Variants in ADGRV1 observed in about 807,000 individuals in gnomAD.
ADGRV1 encodes the protein G-protein coupled receptor 98.
A neutral mutation model predicts 596.2 loss-of-function variants in ADGRV1; 359 were observed. That is an observed-to-expected ratio of 0.60 (90% CI 0.55 to 0.66). The LOEUF is 0.66. Ranked by LOEUF, ADGRV1 falls within the 30% of genes least tolerant of loss-of-function variation. ADGRV1 has a pLI of 0.00. For missense variants in ADGRV1, 7,274 were observed against 7,575.6 expected, an observed-to-expected ratio of 0.96 and a Z score of 1.48; for synonymous variants, 2,681 against 2,679.2, an observed-to-expected ratio of 1.00 and a Z score of -0.02.
Position 91,056,071 on chromosome 5 carries a change from G to A in ADGRV1, c.18153-16376G>A, listed in dbSNP as rs530203349. ...AAGAAATGGTAGTCGGTTGGCGAGAGGTTAGGCGAATATGGCAGATGAGGC... is the reference window on the plus strand; with the variant it reads ...AAGAAATGGTAGTCGGTTGGCGAGAAGTTAGGCGAATATGGCAGATGAGGC... On this transcript the variant is annotated intron_variant, in intron 85 of 89. Coordinates refer to ENST00000405460, the MANE Select transcript of ADGRV1 (RefSeq NM_032119.4). Among the ~76,000 whole-genome samples the A allele has an allele frequency of 3.3e-5, 5 of 152,270 alleles. No homozygotes were observed. In the East Asian group the frequency reaches 9.6e-4, roughly 29 times the overall value.
At chr5:90,584,309 G>A (rs376269860) in intron 1 of ADGRV1, among the ~76,000 whole-genome samples, 1 of 152,028 alleles carries the variant, frequency 6.6e-6, no homozygotes, top group East Asian at 1.9e-4. Flanking sequence ...CTAGAATCCC[G>A]AAGAATGTTT....
intron 1 of ADGRV1, among the ~76,000 whole-genome samples, chr5:90,584,843 A>T (rs1019472109): frequency 1.3e-5 from 2 of 152,204 alleles, no homozygotes; most frequent in African/African-American, 4.8e-5. Context: ...CATAGAACCC[A>T]CGTTTAAGAA....
chr5:90,923,795 C>A (rs548815823), intron 83 of ADGRV1, among the ~76,000 whole-genome samples: 115 of 151,294 alleles, frequency 7.6e-4, no homozygotes, highest in Non-Finnish European at 1.2e-3. Context: ...CCCACCCCAC[C>A]ACAGTCCCCA....
chr5:90,959,842 TTAGAAA>T (rs1254551429), intron 83 of ADGRV1, among the ~76,000 whole-genome samples: 3 of 152,106 alleles, frequency 2.0e-5, no homozygotes, highest in African/African-American at 7.2e-5. Context: ...AACTAATGTA[TTAGAAA>T]TAGATCAGTG....
Position 90,756,565 on chromosome 5 carries a change from A to G in ADGRV1, c.11692A>G (p.Ile3898Val). 1 of 1,613,790 alleles carries G rather than the reference A, an allele frequency of 6.2e-7. No homozygotes were observed. The highest frequency in any genetic ancestry group is 2.2e-5 in the East Asian group (1 of 44,864). Residue 3898 changes from isoleucine (I) to valine (V), a missense_variant, in exon 56 of 90, where the codon ATA becomes GTA. Ile to Val is a conservative substitution (Grantham distance 29, BLOSUM62 3). This residue lies in a region of ADGRV1 where 3,643 missense variants were observed against 3,809.2 expected (regional missense o/e 0.96). Transcript: ENST00000405460. ...AAGTGTGCGGAGGCCCGGAATGGAA[A>G]TAGCTGAGATAATGATAGAAGAAAA... ...QPSVRRPGME[I>V]AEIMIEENDD... is the part of the protein sequence containing the mutation.
intron 1 of ADGRV1, among the ~76,000 whole-genome samples, chr5:90,596,886 T>G (rs1204489984): frequency 6.6e-6 from 1 of 152,112 alleles, no homozygotes; most frequent in Non-Finnish European, 1.5e-5. Context: ...GGCAGTTCTT[T>G]ATAGCAATAT....
chr5:90,875,645 C>T (rs776426265), intron 83 of ADGRV1, among the ~76,000 whole-genome samples: 1 of 152,182 alleles, frequency 6.6e-6, no homozygotes, highest in Non-Finnish European at 1.5e-5. Flanking sequence ...GGTAGGTGCT[C>T]TGCAAATAAG....
At chr5:90,876,403 T>TAAGATTAGGAATTG (rs1554142606) in intron 83 of ADGRV1, among the ~76,000 whole-genome samples, 2 of 152,170 alleles carry the variant, frequency 1.3e-5, no homozygotes, top group Non-Finnish European at 2.9e-5. Flanking sequence ...TATAAAAATA[T>TAAGATTAGGAATTG]CCATGTAGGC....
In ADGRV1 at chr5:90,573,060, A is replaced by C. The variant is rs1187038866; in HGVS notation, c.22+14143A>C. Among the ~76,000 whole-genome samples the C allele has an allele frequency of 3.3e-5, 5 of 152,180 alleles. No individual in the cohort carries two copies. The East Asian group carries it at 9.6e-4, about 29-fold the overall frequency. Reference sequence around the variant, plus strand: ...CTCTCCGTGTATAGATCTACTAATTAAGTAAGAAATTTAAGGCCACCAGAT... The same window carrying C: ...CTCTCCGTGTATAGATCTACTAATTCAGTAAGAAATTTAAGGCCACCAGAT... On this transcript the variant is annotated intron_variant, in intron 1 of 89. Transcript: ENST00000405460.
chr5:91,038,791 G>A (rs1785107887), intron 85 of ADGRV1, among the ~76,000 whole-genome samples: 1 of 152,144 alleles, frequency 6.6e-6, no homozygotes, highest in Admixed American at 6.5e-5. Flanking sequence ...GTAGGGAATT[G>A]AGATGTCACA....
chr5:90,754,907 T>G, intron 54 of ADGRV1, 76 bp from the exon 55 acceptor site: 1 of 975,382 alleles, frequency 1.0e-6, no homozygotes, highest in East Asian at 2.4e-5. Flanking sequence ...GAGTAGAGTG[T>G]TCCACTCTAG....
intron 87 of ADGRV1, among the ~76,000 whole-genome samples, chr5:91,138,276 A>G (rs904675221): frequency 1.3e-5 from 2 of 152,150 alleles, no homozygotes; most frequent in African/African-American, 2.4e-5. Context: ...TAATTTTACA[A>G]AAGTTTATAT....
intron 1 of ADGRV1, among the ~76,000 whole-genome samples, chr5:90,602,463 G>C (rs1761532860): frequency 6.6e-6 from 1 of 152,150 alleles, no homozygotes; most frequent in Non-Finnish European, 1.5e-5. Context: ...TGTACCTTTT[G>C]TATAAGTGAT....
At chr5:90,829,227 C>A in intron 77 of ADGRV1, 41 bp downstream of exon 77, 4 of 1,360,754 alleles carry the variant, frequency 2.9e-6, no homozygotes, top group Middle Eastern at 2.0e-4. Context: ...TTATGGTTTT[C>A]TTCTTTAACT....
At position 90,693,948 on chromosome 5, in the gene ADGRV1, G is replaced by T. The variant is rs760632488; in HGVS notation, c.7192G>T (p.Ala2398Ser). ...CAGTACTTCCGACATTGATGTAGTG[G>T]CTCTGGCAATGGAGGAAGGTCAAGA... Reference protein sequence around the residue: ...FYSTSDIDVVALAMEEGQDLL... With the variant: ...FYSTSDIDVVSLAMEEGQDLL... Residue 2398 changes from alanine to serine, a missense_variant, in exon 33 of 90, where the codon GCT becomes TCT. This residue lies in a region of ADGRV1 where 3,643 missense variants were observed against 3,809.2 expected (regional missense o/e 0.96). Coordinates refer to ENST00000405460, the MANE Select transcript of ADGRV1 (RefSeq NM_032119.4). 4 of 1,604,860 alleles carry T rather than the reference G, an allele frequency of 2.5e-6. No individual in the cohort carries two copies. The highest frequency in any genetic ancestry group is 4.5e-5 in the East Asian group (2 of 44,654).
In ADGRV1 at chr5:90,720,960, G is replaced by A; in HGVS notation, c.9649G>A (p.Ala3217Thr). ...NRATSIDIEE[A>T]NRTVYLNVSR... ...AGCCACCTCCATAGACATCGAAGAA[G>A]CCAATAGGACCGTGTATTTAAATGT... is the stretch of plus-strand genomic sequence containing the variant. Residue 3217 changes from alanine to threonine, a missense_variant, in exon 45 of 90, where the codon GCC becomes ACC. Physicochemically the swap from Ala to Thr is moderately conservative, Grantham distance 58 (BLOSUM62 0). Around this residue, in one of 5 missense-constraint regions of ADGRV1, gnomAD observed 3,643 missense variants for 3,809.2 expected, o/e 0.96. Transcript: ENST00000405460. The A allele has an allele frequency of 1.2e-6, 2 of 1,611,332 alleles. No individual in the cohort carries two copies. The highest frequency in any genetic ancestry group is 1.7e-6 in the Non-Finnish European group (2 of 1,178,260).
chr5:90,736,177 T>C (rs1027334402), intron 50 of ADGRV1, among the ~76,000 whole-genome samples: 2 of 152,020 alleles, frequency 1.3e-5, no homozygotes, highest in African/African-American at 4.8e-5. Flanking sequence ...TGAGAGCTTT[T>C]ATCATGAAAG....
At chr5:90,939,171 A>G (rs943588542) in intron 83 of ADGRV1, among the ~76,000 whole-genome samples, 41 of 152,208 alleles carry the variant, frequency 2.7e-4, no homozygotes, top group African/African-American at 9.2e-4. Flanking sequence ...AGGGAAGCAC[A>G]TTGTCAGTTT....
At chr5:90,827,063 T>G (rs1051175537) in intron 76 of ADGRV1, among the ~76,000 whole-genome samples, 7 of 152,192 alleles carry the variant, frequency 4.6e-5, no homozygotes, top group Non-Finnish European at 8.8e-5. Context: ...AAATATTTGT[T>G]GCAAATATTT....
Sources: allele counts gnomAD v4.1 joint callset (sites outside exome capture counted in the v4.1 genomes callset), GRCh38; gene constraint gnomAD v4.1.1; regional missense constraint gnomAD v4.1.1; transcripts MANE v1.5; gene names NCBI Gene and HGNC (gene_info 2026-07-23, HGNC 2026-07-21).